Variants in SCOC observed in about 807,000 individuals in gnomAD.
The protein encoded by SCOC is short coiled coil protein.
A neutral mutation model predicts 9.9 loss-of-function variants in SCOC; 7 were observed. That is an observed-to-expected ratio of 0.71 (90% CI 0.40 to 1.33). The LOEUF (loss-of-function observed/expected upper bound fraction) is 1.33, where lower values mean the gene tolerates loss of function less well. SCOC is among the 40% of genes most tolerant of loss of function. SCOC has a pLI of 0.01. For missense variants in SCOC, 66 were observed against 89.7 expected (o/e 0.74, Z 1.07); for synonymous variants, 19 against 28.2 (o/e 0.67, Z 1.03).
At chr4:140,325,066 AC>A (rs1170938463) in intron 1 of SCOC, among the ~76,000 whole-genome samples, 1 of 152,126 alleles carries the variant, frequency 6.6e-6, no homozygotes, top group Non-Finnish European at 1.5e-5. Flanking sequence ...AGGTGCCAAG[AC>A]AATGCAATGG....
At chr4:140,260,843 TA>T (rs762153217) in intron 1 of SCOC, among the ~76,000 whole-genome samples, 161 of 152,340 alleles carry the variant, frequency 1.1e-3, no homozygotes, top group Non-Finnish European at 2.1e-3. Context: ...TGTTCTGATT[TA>T]TTTTTTTTTA....
At chr4:140,361,882 A>C (rs1321743472) in intron 2 of SCOC, among the ~76,000 whole-genome samples, 2 of 152,178 alleles carry the variant, frequency 1.3e-5, no homozygotes, top group Non-Finnish European at 2.9e-5. Context: ...CATGTAGTAC[A>C]AAAAGAAAAT....
chr4:140,343,836 G>A (rs1021706547), intron 2 of SCOC: 1 of 562,558 alleles, frequency 1.8e-6, no homozygotes, highest in Non-Finnish European at 3.0e-6. Context: ...AAAAAATATA[G>A]TTACAAAAAC....
chr4:140,304,143 C>T (rs1731893003), intron 1 of SCOC, among the ~76,000 whole-genome samples: 1 of 152,006 alleles, frequency 6.6e-6, no homozygotes, highest in South Asian at 2.1e-4. Context: ...TAAGGGGAGA[C>T]TTCAGAAAGA....
At chr4:140,313,403 C>G (rs909540132) in intron 1 of SCOC, among the ~76,000 whole-genome samples, 21 of 152,288 alleles carry the variant, frequency 1.4e-4, no homozygotes, top group African/African-American at 4.1e-4. Context: ...AGGCCCGTGT[C>G]ACCACACCCA....
At chr4:140,262,360 C>A (rs12502106) in intron 1 of SCOC, among the ~76,000 whole-genome samples, 24,406 of 152,132 alleles carry the variant, frequency 0.16, 3,380 homozygotes, top group African/African-American at 0.38. Context: ...TTGTGACTTG[C>A]TTGAGGTGAA....
rs539597039 is a variant in SCOC, at chr4:140,382,660, A to T, written c.*1556A>T. On this transcript the variant is annotated 3_prime_UTR_variant, in exon 4 of 4. Coordinates refer to ENST00000608372, the MANE Select transcript of SCOC (RefSeq NM_001153484.2). ...AATAGTGTATCTTATTTAAGTACCC[A>T]GTTACTGATTATTTAGGGGAATAAT... 6.5e-6 allele frequency: 1 copy of T among 152,762 alleles called. No individual in the cohort carries two copies. The highest frequency in any genetic ancestry group is 2.1e-4 in the South Asian group (1 of 4,834). The allele number at this position is 152,762 out of a possible 1,614,324, so 9.5% of individuals were successfully genotyped here.
chr4:140,286,644 G>A (rs774995311), intron 1 of SCOC, among the ~76,000 whole-genome samples: 10 of 152,234 alleles, frequency 6.6e-5, no homozygotes, highest in Non-Finnish European at 1.5e-4. Flanking sequence ...TGCCCGCGCC[G>A]TTCCTCACGT....
intron 2 of SCOC, among the ~76,000 whole-genome samples, chr4:140,360,194 A>T (rs767543427): frequency 1.3e-5 from 2 of 152,242 alleles, no homozygotes; most frequent in Non-Finnish European, 2.9e-5. Context: ...TTACTAAAGG[A>T]TAAAATTAAA....
At chr4:140,362,311 T>TCTTCTTCTTCTTCTTCTTCCTC (rs1578861458) in intron 2 of SCOC, among the ~76,000 whole-genome samples, 3 of 8,502 alleles carry the variant, frequency 3.5e-4, no homozygotes, top group Admixed American at 1.4e-3. Flanking sequence ...TTTTTTTTTT[T>TCTTCTTCTTCTTCTTCTTCCTC]TTTTGTGAGA....
chr4:140,293,626 G>A (rs1158817621), intron 1 of SCOC, among the ~76,000 whole-genome samples: 3 of 152,190 alleles, frequency 2.0e-5, no homozygotes, highest in African/African-American at 7.2e-5. Flanking sequence ...AGAATTCCAC[G>A]CCAGGCAGGA....
At chr4:140,313,353 T>G (rs924930483) in intron 1 of SCOC, among the ~76,000 whole-genome samples, 3 of 152,152 alleles carry the variant, frequency 2.0e-5, no homozygotes, top group Admixed American at 6.5e-5. Flanking sequence ...CTAGCGATTC[T>G]CGATTCTCCT....
Position 140,381,349 on chromosome 4 carries a change from TTAAAGA to T in SCOC, c.*247_*252del, listed in dbSNP as rs1728567040. On this transcript the variant is annotated 3_prime_UTR_variant, in exon 4 of 4. Coordinates refer to ENST00000608372, the MANE Select transcript of SCOC (RefSeq NM_001153484.2). Reference sequence around the variant, plus strand: ...TTAGAATTGCATATATTTATGAAACTTAAAGATGAATGTTTTATTGAATTTGTAGGT... The same window carrying T: ...TTAGAATTGCATATATTTATGAAACTTGAATGTTTTATTGAATTTGTAGGT... 6.6e-6 allele frequency: 2 copies of T among 302,640 alleles called. No individual in the cohort carries two copies. The highest frequency in any genetic ancestry group is 1.1e-4 in the Admixed American group (2 of 18,950). 18.7% of individuals were successfully genotyped at this position (302,640 alleles called of 1,614,324 possible).
At chr4:140,280,663 T>C (rs1481430741) in intron 1 of SCOC, among the ~76,000 whole-genome samples, 2 of 152,250 alleles carry the variant, frequency 1.3e-5, no homozygotes, top group African/African-American at 2.4e-5. Flanking sequence ...TGTGTTTTCA[T>C]GGACTCCTAA....
chr4:140,355,249 A>AT (rs1727175611), intron 2 of SCOC, among the ~76,000 whole-genome samples: 16 of 145,614 alleles, frequency 1.1e-4, no homozygotes, highest in African/African-American at 2.8e-4. Context: ...ATATATATAT[A>AT]ATGTATATAA....
At chr4:140,315,715 C>T (rs1323502895) in intron 1 of SCOC, among the ~76,000 whole-genome samples, 3 of 152,168 alleles carry the variant, frequency 2.0e-5, no homozygotes, top group Non-Finnish European at 4.4e-5. Context: ...CAAGGGATAA[C>T]CTACCACTCT....
intron 1 of SCOC, among the ~76,000 whole-genome samples, chr4:140,311,185 A>G (rs1180580906): frequency 6.6e-6 from 1 of 152,184 alleles, no homozygotes; most frequent in East Asian, 1.9e-4. Context: ...GCAGTGAGCT[A>G]TGATTGTGCC....
At chr4:140,298,707 T>C (rs1285313183) in intron 1 of SCOC, among the ~76,000 whole-genome samples, 1 of 152,214 alleles carries the variant, frequency 6.6e-6, no homozygotes, top group African/African-American at 2.4e-5. Context: ...TGTGTTATCT[T>C]TTCTTGAAGC....
intron 1 of SCOC, among the ~76,000 whole-genome samples, chr4:140,294,276 T>C (rs1731559196): frequency 6.6e-6 from 1 of 152,162 alleles, no homozygotes; most frequent in African/African-American, 2.4e-5. Context: ...GTAGTGTCAC[T>C]ACCAAGGAAA....
Sources: gnomAD v4.1 joint callset for allele counts (sites outside exome capture counted in the v4.1 genomes callset) on GRCh38, gnomAD v4.1.1 for gene constraint, MANE v1.5 for transcripts, NCBI Gene and HGNC (gene_info 2026-07-23, HGNC 2026-07-21) for gene names.